RAVER2: variants seen among roughly 807,000 people sequenced by gnomAD.
The protein encoded by RAVER2 is ribonucleoprotein PTB-binding 2.
Under a neutral mutation model 78.1 loss-of-function variants are expected in RAVER2, and 46 were observed. That is an observed-to-expected ratio of 0.59 (90% CI 0.46 to 0.75). RAVER2 has a LOEUF of 0.75. Ranked by LOEUF, RAVER2 falls within the 30% of genes least tolerant of loss-of-function variation. RAVER2 has a pLI of 0.00. For synonymous variants in RAVER2, 311 were observed against 313.3 expected, an observed-to-expected ratio of 0.99 and a Z score of 0.08; for missense variants, 793 against 837.5, an observed-to-expected ratio of 0.95 and a Z score of 0.66.
At chr1:64,781,700 A>C (rs1367140597) in intron 4 of RAVER2, 129 bp downstream of exon 4, 4 of 927,814 alleles carry the variant, frequency 4.3e-6, no homozygotes, top group Non-Finnish European at 6.0e-6. Context: ...CACACTGAAG[A>C]CTTTTCCTTT....
chr1:64,785,614 C>T (rs1437596592), intron 4 of RAVER2, among the ~76,000 whole-genome samples: 2 of 152,050 alleles, frequency 1.3e-5, no homozygotes, highest in African/African-American at 4.8e-5. Flanking sequence ...AGTGATCTGC[C>T]AGCCTCAGCC....
rs187925347 is a variant in RAVER2, at chr1:64,747,574, C to T, written c.249+2153C>T. On this transcript the variant is annotated intron_variant, in intron 1 of 11. Coordinates refer to ENST00000294428, the Ensembl canonical transcript of RAVER2. ...TCATCCAGGCTGGAGTGCAGTGGCGCGACCTCAGCTCACTGCAACCTCTGC... is the reference window on the plus strand; with the variant it reads ...TCATCCAGGCTGGAGTGCAGTGGCGTGACCTCAGCTCACTGCAACCTCTGC... Among the ~76,000 whole-genome samples the T allele has an allele frequency of 1.5e-3, 232 of 151,446 alleles. 1 individual carries two copies. Among genetic ancestry groups the T allele is most frequent in the Admixed American group, 6.2e-3 (94 of 15,210 alleles).
At chr1:64,748,807 C>G (rs1651614618) in intron 1 of RAVER2, among the ~76,000 whole-genome samples, 1 of 152,148 alleles carries the variant, frequency 6.6e-6, no homozygotes, top group Admixed American at 6.5e-5. Context: ...GTGTTGGCCC[C>G]TGCCTACGTT....
intron 5 of RAVER2, among the ~76,000 whole-genome samples, chr1:64,802,704 T>C (rs1653302619): frequency 6.6e-6 from 1 of 152,170 alleles, no homozygotes; most frequent in Non-Finnish European, 1.5e-5. Context: ...TGGATGTGTT[T>C]TGTTGCACTA....
exon 11 of RAVER2, chr1:64,814,786 A>G: frequency 6.3e-7 from 1 of 1,590,640 alleles, no homozygotes; most frequent in East Asian, 2.3e-5. Context: ...GTGAATCACA[A>G]CACGCATTGG....
chr1:64,754,075 T>A (rs904503702), intron 1 of RAVER2, among the ~76,000 whole-genome samples: 6 of 152,178 alleles, frequency 3.9e-5, no homozygotes, highest in African/African-American at 1.4e-4. Flanking sequence ...TTTGGGGGCC[T>A]ACCATTGCCA....
At chr1:64,777,642 T>A (rs765740487) in exon 3 of RAVER2, 1 of 1,609,646 alleles carries the variant, frequency 6.2e-7, no homozygotes, top group Non-Finnish European at 8.5e-7. Flanking sequence ...CCTTATTGAA[T>A]GGGGAACAAG....
intron 11 of RAVER2, among the ~76,000 whole-genome samples, chr1:64,827,159 T>TAAGTAAAG (rs1654021456): frequency 6.6e-6 from 1 of 152,060 alleles, no homozygotes; most frequent in Admixed American, 6.6e-5. Flanking sequence ...GAAGTGAGGG[T>TAAGTAAAG]AAGTAAAGAC....
At chr1:64,804,674 TG>T in intron 6 of RAVER2, 59 bp from the exon 7 acceptor site, 1 of 795,536 alleles carries the variant, frequency 1.3e-6, no homozygotes, top group Non-Finnish European at 2.1e-6. Flanking sequence ...CAAAATGAAT[TG>T]GGTTATACAA....
At chr1:64,746,141 T>G (rs1651531290) in intron 1 of RAVER2, among the ~76,000 whole-genome samples, 1 of 152,152 alleles carries the variant, frequency 6.6e-6, no homozygotes, top group Non-Finnish European at 1.5e-5. Flanking sequence ...AAACTCTGCA[T>G]CTATTTAACT....
intron 1 of RAVER2, among the ~76,000 whole-genome samples, chr1:64,756,748 T>C (rs537581553): frequency 6.6e-6 from 1 of 152,256 alleles, no homozygotes; most frequent in Non-Finnish European, 1.5e-5. Flanking sequence ...CAGTCTGAGA[T>C]ACATAATTGC....
At chr1:64,767,025 G>T (rs1652192035) in intron 1 of RAVER2, among the ~76,000 whole-genome samples, 1 of 152,200 alleles carries the variant, frequency 6.6e-6, no homozygotes, top group African/African-American at 2.4e-5. Flanking sequence ...AAATTGGTAA[G>T]TGTATGTATT....
In RAVER2 at chr1:64,819,172, C is replaced by T. The variant is rs144568388; in HGVS notation, c.1929+4332C>T. ...CCACAATTAAGAGAAAAAGTGGAAA[C>T]GACCCCAAGGTGACCCAGATGTTGG... On this transcript the variant is annotated intron_variant, in intron 11 of 11. Transcript: ENST00000294428. Among the ~76,000 whole-genome samples, 573 of 151,856 alleles carry T rather than the reference C, an allele frequency of 3.8e-3. 6 individuals are homozygous for T. The highest frequency in any genetic ancestry group is 0.011 in the African/African-American group (437 of 41,434).
At chr1:64,827,929 T>C (rs935196765) in intron 11 of RAVER2, among the ~76,000 whole-genome samples, 1 of 152,210 alleles carries the variant, frequency 6.6e-6, no homozygotes, top group Non-Finnish European at 1.5e-5. Flanking sequence ...CAGCCCTCCA[T>C]GACTGAGGCC....
chr1:64,821,673 C>T lies in RAVER2; in HGVS notation c.1929+6833C>T, dbSNP rs146432225. On this transcript the variant is annotated intron_variant, in intron 11 of 11. Transcript: ENST00000294428. ...GTTGACAAAAGCAATGGGGTAAAGACTCCCTATTCGATAAAAGGTGCGGGG... is the reference window on the plus strand; with the variant it reads ...GTTGACAAAAGCAATGGGGTAAAGATTCCCTATTCGATAAAAGGTGCGGGG... 7.2e-5 allele frequency among the ~76,000 whole-genome samples: 11 copies of T among 152,296 alleles called. No homozygotes were observed. The East Asian group carries it at 1.7e-3, about 24-fold the overall frequency.
chr1:64,765,182 C>T (rs187321640), intron 1 of RAVER2, among the ~76,000 whole-genome samples: 10 of 152,318 alleles, frequency 6.6e-5, no homozygotes, highest in South Asian at 6.2e-4. Flanking sequence ...GTACATCATT[C>T]TGGCAAACAA....
intron 2 of RAVER2, among the ~76,000 whole-genome samples, chr1:64,772,559 A>G (rs1254179842): frequency 6.6e-6 from 1 of 152,136 alleles, no homozygotes; most frequent in South Asian, 2.1e-4. Flanking sequence ...GCAATGTTCA[A>G]GATAGAGAGG....
intron 1 of RAVER2, among the ~76,000 whole-genome samples, chr1:64,750,651 A>G (rs1477526267): frequency 6.6e-6 from 1 of 152,168 alleles, no homozygotes; most frequent in Non-Finnish European, 1.5e-5. Flanking sequence ...CTCTAACAAT[A>G]TATTTGGTAA....
At chr1:64,758,970 C>G (rs964108908) in intron 1 of RAVER2, among the ~76,000 whole-genome samples, 4 of 150,188 alleles carry the variant, frequency 2.7e-5, no homozygotes, top group African/African-American at 1.0e-4. Context: ...TATGGTTATT[C>G]TTTGGATGGA....
Sources: allele counts gnomAD v4.1 joint callset (sites outside exome capture counted in the v4.1 genomes callset), GRCh38; gene constraint gnomAD v4.1.1; transcripts MANE v1.5; gene names NCBI Gene and HGNC (gene_info 2026-07-23, HGNC 2026-07-21).